Variants in GALNT13 observed in about 807,000 individuals in gnomAD.
The protein encoded by GALNT13 is UDP-GalNAc:polypeptide N-acetylgalactosaminyltransferase 13.
Under a neutral mutation model 64.2 loss-of-function variants are expected in GALNT13, and 28 were observed. The ratio of observed to expected loss-of-function variants is 0.44; its 90% confidence interval spans 0.32 to 0.60. The LOEUF is 0.60. Ranked by LOEUF, GALNT13 falls within the 20% of genes least tolerant of loss-of-function variation. The probability of loss-of-function intolerance (pLI) is 0.05; values close to 1 mark genes in which losing one functional copy is unlikely to be tolerated. For missense variants in GALNT13, 577 were observed against 669.8 expected (o/e 0.86, Z 1.53); for synonymous variants, 214 against 224.6 (o/e 0.95, Z 0.42).
the GALNT13 span, among the ~76,000 whole-genome samples, chr2:153,662,334 C>A: frequency 1.8e-4 from 28 of 152,170 alleles, no homozygotes; most frequent in African/African-American, 6.5e-4. Flanking sequence ...TTTCTGCCCA[C>A]TTCCGTTTCC....
chr2:154,124,458 A>T (rs1682138764), intron 3 of GALNT13, among the ~76,000 whole-genome samples: 1 of 152,078 alleles, frequency 6.6e-6, no homozygotes, highest in Non-Finnish European at 1.5e-5. Flanking sequence ...AGCCAGTATT[A>T]AGTGGACTTC....
chr2:153,551,224 A>G, the GALNT13 span, among the ~76,000 whole-genome samples: 1 of 152,162 alleles, frequency 6.6e-6, no homozygotes, highest in Non-Finnish European at 1.5e-5. Flanking sequence ...GAAAATCCTG[A>G]GAAAGTGACA....
At chr2:153,946,887 A>C (rs918186470) in intron 3 of GALNT13, among the ~76,000 whole-genome samples, 1 of 152,050 alleles carries the variant, frequency 6.6e-6, no homozygotes, top group African/African-American at 2.4e-5. Context: ...CAGAATTTTT[A>C]CTTTAGGAGT....
At chr2:153,370,201 G>A in the GALNT13 span, among the ~76,000 whole-genome samples, 1 of 151,772 alleles carries the variant, frequency 6.6e-6, no homozygotes, top group African/African-American at 2.4e-5. Context: ...TGTTTAAAAT[G>A]TTTCAAAAAA....
At chr2:153,524,942 C>T in the GALNT13 span, among the ~76,000 whole-genome samples, 5 of 152,182 alleles carry the variant, frequency 3.3e-5, no homozygotes, top group African/African-American at 4.8e-5. Context: ...TGGCATCACC[C>T]TCTCCCCTAA....
At chr2:153,758,215 C>T in the GALNT13 span, among the ~76,000 whole-genome samples, 1 of 151,948 alleles carries the variant, frequency 6.6e-6, no homozygotes, top group Non-Finnish European at 1.5e-5. Context: ...CCAAATTTCC[C>T]CATATCCTTT....
At chr2:153,069,698 C>T in the GALNT13 span, among the ~76,000 whole-genome samples, 7 of 152,210 alleles carry the variant, frequency 4.6e-5, no homozygotes, top group Admixed American at 6.5e-5. Context: ...CTCCTTTATA[C>T]GAAGGTGATG....
the GALNT13 span, among the ~76,000 whole-genome samples, chr2:153,246,390 A>T: frequency 6.6e-6 from 1 of 152,238 alleles, no homozygotes; most frequent in East Asian, 1.9e-4. Context: ...TGTTAAGGGC[A>T]GCCAGAGAGA....
intron 3 of GALNT13, among the ~76,000 whole-genome samples, chr2:153,962,635 G>A (rs903506932): frequency 6.6e-6 from 1 of 152,156 alleles, no homozygotes; most frequent in Non-Finnish European, 1.5e-5. Flanking sequence ...ATAGCTTTGG[G>A]AATAATTAAG....
chr2:154,317,093 G>T (rs1574077009), intron 9 of GALNT13, among the ~76,000 whole-genome samples: 1 of 151,792 alleles, frequency 6.6e-6, no homozygotes, highest in East Asian at 1.9e-4. Context: ...TGCACCTGTA[G>T]TCCCAGCTAC....
At chr2:153,383,646 T>C in the GALNT13 span, among the ~76,000 whole-genome samples, 15,704 of 152,042 alleles carry the variant, frequency 0.1, 929 homozygotes, top group African/African-American at 0.15. Context: ...ATTAGCTTGT[T>C]TTTAATTAAT....
intron 10 of GALNT13, among the ~76,000 whole-genome samples, chr2:154,400,018 A>T (rs1396244131): frequency 6.6e-6 from 1 of 152,178 alleles, no homozygotes; most frequent in African/African-American, 2.4e-5. Context: ...GCAATCCAGC[A>T]TCTGTTTCCA....
At chr2:154,026,726 C>T (rs1697992561) in intron 3 of GALNT13, among the ~76,000 whole-genome samples, 2 of 152,152 alleles carry the variant, frequency 1.3e-5, no homozygotes, top group South Asian at 2.1e-4. Context: ...TTATCTCCTA[C>T]AAACCCTAGC....
intron 8 of GALNT13, among the ~76,000 whole-genome samples, chr2:154,283,567 G>C (rs1203899854): frequency 8.4e-6 from 1 of 119,656 alleles, no homozygotes. Flanking sequence ...GACAGAGCGA[G>C]ACTCCGTCTC....
the GALNT13 span, among the ~76,000 whole-genome samples, chr2:153,635,483 AC>A: frequency 8.4e-6 from 1 of 118,956 alleles, no homozygotes; most frequent in Non-Finnish European, 1.9e-5. Flanking sequence ...TTTTTAACTT[AC>A]CTTTCAGTCT....
chr2:153,284,474 A>G, the GALNT13 span, among the ~76,000 whole-genome samples: 2 of 152,194 alleles, frequency 1.3e-5, no homozygotes, highest in Admixed American at 1.3e-4. Flanking sequence ...ATATGCACTC[A>G]GATTAAAAAT....
At chr2:153,192,075 T>C in the GALNT13 span, among the ~76,000 whole-genome samples, 16 of 151,954 alleles carry the variant, frequency 1.1e-4, no homozygotes, top group African/African-American at 3.9e-4. Context: ...TATTATTTCT[T>C]TAATAATTTT....
At chr2:154,071,592 C>T (rs1334681065) in intron 3 of GALNT13, among the ~76,000 whole-genome samples, 1 of 152,098 alleles carries the variant, frequency 6.6e-6, no homozygotes, top group Non-Finnish European at 1.5e-5. Flanking sequence ...TTTTACTACT[C>T]ACTATGAAAT....
chr2:153,759,507 TC>T, the GALNT13 span, among the ~76,000 whole-genome samples: 1 of 152,254 alleles, frequency 6.6e-6, no homozygotes, highest in Admixed American at 6.5e-5. Flanking sequence ...GGAGATTTTA[TC>T]ATGAAAGGAT....
Sources: gnomAD v4.1 joint callset for allele counts (sites outside exome capture counted in the v4.1 genomes callset) on GRCh38, gnomAD v4.1.1 for gene constraint, MANE v1.5 for transcripts, NCBI Gene and HGNC (gene_info 2026-07-23, HGNC 2026-07-21) for gene names.